Variants in GRID2 observed in about 807,000 individuals in gnomAD.
GRID2 encodes glutamate ionotropic receptor delta type subunit 2, also known as glutamate receptor ionotropic, delta-2.
GRID2 carries 33 observed loss-of-function variants against 114.8 expected under a neutral mutation model. The ratio of observed to expected loss-of-function variants is 0.29; its 90% CI spans 0.22 to 0.38. The LOEUF is 0.38. Ranked by LOEUF, GRID2 falls within the 10% of genes least tolerant of loss-of-function variation. GRID2 has a pLI of 1.00. For missense variants in GRID2, 1,184 were observed against 1,257.7 expected, an observed-to-expected ratio of 0.94 and a Z score of 0.89; for synonymous variants, 505 against 449.9, an observed-to-expected ratio of 1.12 and a Z score of -1.55.
chr4:92,874,223 G>A (rs563957354), intron 2 of GRID2, among the ~76,000 whole-genome samples: 12 of 152,184 alleles, frequency 7.9e-5, no homozygotes, highest in South Asian at 2.1e-4. Context: ...GACTGATTTC[G>A]TCTTGTTTTA....
chr4:92,426,281 A>G (rs1267250885), intron 1 of GRID2, among the ~76,000 whole-genome samples: 1 of 152,154 alleles, frequency 6.6e-6, no homozygotes, highest in Non-Finnish European at 1.5e-5. Context: ...AATTCCTAGG[A>G]CTTCTTGGTC....
At chr4:92,962,999 A>G (rs959031232) in intron 2 of GRID2, among the ~76,000 whole-genome samples, 4 of 152,002 alleles carry the variant, frequency 2.6e-5, no homozygotes, top group African/African-American at 9.7e-5. Flanking sequence ...GTACATATCA[A>G]AGTTATGTTT....
intron 3 of GRID2, among the ~76,000 whole-genome samples, chr4:93,095,966 G>T (rs762786171): frequency 8.6e-5 from 13 of 151,916 alleles, no homozygotes; most frequent in Non-Finnish European, 1.5e-4. Flanking sequence ...GAAAAAGATT[G>T]GATGAAATAT....
chr4:93,342,330 G>T (rs1285223609), intron 8 of GRID2, among the ~76,000 whole-genome samples: 1 of 151,976 alleles, frequency 6.6e-6, no homozygotes, highest in Non-Finnish European at 1.5e-5. Context: ...TGTCCCTGCT[G>T]TCTTTCTGCC....
chr4:92,467,777 G>T (rs1253551715), intron 1 of GRID2, among the ~76,000 whole-genome samples: 2 of 151,960 alleles, frequency 1.3e-5, no homozygotes, highest in African/African-American at 4.8e-5. Flanking sequence ...ATCAATGAAA[G>T]AATCCAGGTT....
chr4:93,221,542 T>C (rs2149488887), intron 6 of GRID2, among the ~76,000 whole-genome samples: 1 of 152,244 alleles, frequency 6.6e-6, no homozygotes, highest in Non-Finnish European at 1.5e-5. Context: ...GAGGCCTAAG[T>C]AGAAGTGAAG....
intron 2 of GRID2, among the ~76,000 whole-genome samples, chr4:92,946,981 T>A (rs1046429429): frequency 3.9e-5 from 6 of 152,042 alleles, no homozygotes; most frequent in African/African-American, 1.4e-4. Flanking sequence ...CTCTGAAAGA[T>A]GGAAAGATTT....
chr4:93,429,972 G>A (rs557721286), intron 10 of GRID2, among the ~76,000 whole-genome samples: 2 of 152,200 alleles, frequency 1.3e-5, no homozygotes. Flanking sequence ...GTCATTTTCT[G>A]AGAAAGAAAA....
intron 2 of GRID2, among the ~76,000 whole-genome samples, chr4:92,659,444 TTTTCAGATCTCGACTTTAGAATG>T (rs1732412491): frequency 6.6e-6 from 1 of 151,474 alleles, no homozygotes; most frequent in South Asian, 2.1e-4. Context: ...GATCTCTCAC[TTTTCAGATCTCGACTTTAGAATG>T]TTTCAGATAG....
chr4:92,922,816 G>T (rs551908071), intron 2 of GRID2, among the ~76,000 whole-genome samples: 66 of 152,094 alleles, frequency 4.3e-4, no homozygotes, highest in East Asian at 5.8e-4. Flanking sequence ...CTTATTTTTT[G>T]ATTTCATTCA....
intron 4 of GRID2, among the ~76,000 whole-genome samples, chr4:93,111,751 C>CTTT (rs9307121): frequency 0.033 from 4,361 of 131,364 alleles, 207 homozygotes; most frequent in East Asian, 0.19. Flanking sequence ...TTGTTTAATA[C>CTTT]TTTTTTTTTT....
intron 10 of GRID2, among the ~76,000 whole-genome samples, chr4:93,442,611 G>A (rs761976237): frequency 2.6e-5 from 4 of 151,758 alleles, no homozygotes; most frequent in Non-Finnish European, 5.9e-5. Flanking sequence ...GAGACAGAAC[G>A]ACAGAGACAG....
chr4:92,923,521 T>C (rs1435917656), intron 2 of GRID2, among the ~76,000 whole-genome samples: 1 of 152,226 alleles, frequency 6.6e-6, no homozygotes, highest in East Asian at 1.9e-4. Flanking sequence ...AAAATCACTT[T>C]ATTCTTTATA....
chr4:92,683,073 G>A (rs2149286056), intron 2 of GRID2, among the ~76,000 whole-genome samples: 1 of 152,252 alleles, frequency 6.6e-6, no homozygotes, highest in East Asian at 1.9e-4. Context: ...GCCAAGGCGG[G>A]CGGATCACAA....
chr4:93,382,422 A>T (rs1035951728), intron 8 of GRID2, among the ~76,000 whole-genome samples: 1 of 151,612 alleles, frequency 6.6e-6, no homozygotes, highest in Non-Finnish European at 1.5e-5. Context: ...CTTTTCTTTA[A>T]TCTTTTTTCT....
intron 8 of GRID2, among the ~76,000 whole-genome samples, chr4:93,351,003 A>AGGG (rs1403663019): frequency 6.6e-6 from 1 of 152,052 alleles, no homozygotes; most frequent in Non-Finnish European, 1.5e-5. Flanking sequence ...GAGTGTGTGC[A>AGGG]GGGGAACTCC....
intron 2 of GRID2, among the ~76,000 whole-genome samples, chr4:92,850,221 C>A (rs988649053): frequency 6.6e-6 from 1 of 151,290 alleles, no homozygotes; most frequent in African/African-American, 2.4e-5. Flanking sequence ...ATAAGTGAAT[C>A]TACACTACAT....
chr4:92,979,034 T>C (rs1754034765), intron 2 of GRID2, among the ~76,000 whole-genome samples: 1 of 151,846 alleles, frequency 6.6e-6, no homozygotes, highest in Admixed American at 6.6e-5. Context: ...AAAATAAAAA[T>C]AAAAATGAAA....
At chr4:93,339,871 A>G (rs1409684298) in intron 8 of GRID2, among the ~76,000 whole-genome samples, 1 of 136,202 alleles carries the variant, frequency 7.3e-6, no homozygotes, top group Non-Finnish European at 1.5e-5. Flanking sequence ...TGCTGAGCCA[A>G]GGGGGAAAAA....
Sources: allele counts gnomAD v4.1 joint callset (sites outside exome capture counted in the v4.1 genomes callset), GRCh38; gene constraint gnomAD v4.1.1; transcripts MANE v1.5; gene names NCBI Gene and HGNC (gene_info 2026-07-23, HGNC 2026-07-21).